The following LY75 variants were observed in gnomAD, a reference collection of about 807,000 sequenced individuals.
LY75 encodes lymphocyte antigen 75, also known as C-type lectin domain family 13 member B.
Under a neutral mutation model 231.7 loss-of-function variants are expected in LY75, and 185 were observed. The observed-to-expected ratio is 0.80, with a 90% confidence interval of 0.71 to 0.90. The LOEUF (loss-of-function observed/expected upper bound fraction) is 0.90, where lower values mean the gene tolerates loss of function less well. Ranked by LOEUF, LY75 falls within the 40% of genes least tolerant of loss-of-function variation. LY75 has a pLI of 0.00. For synonymous variants in LY75, 668 were observed against 689.0 expected (o/e 0.97, Z 0.48); for missense variants, 1,947 against 2,050.2 (o/e 0.95, Z 0.97).
intron 28 of LY75, among the ~76,000 whole-genome samples, chr2:159,828,661 C>T (rs1384356442): frequency 6.6e-6 from 1 of 152,140 alleles, no homozygotes; most frequent in East Asian, 1.9e-4. Flanking sequence ...AACATATGTC[C>T]ATGCAAAAAC....
Position 159,834,072 on chromosome 2 carries a change from A to C in LY75, c.3813T>G (p.Asp1271Glu), listed in dbSNP as rs1335952574. Residue 1271 changes from aspartate (D) to glutamate (E), a missense_variant, in exon 27 of 35, where the codon GAT becomes GAG. Transcript: ENST00000263636. ...GTTTCTGGCATTTAGTATGAACTTC[A>C]TCCTGTGTTGTTGCCATATGCCTAT... ...TKNRHMATTQDEVHTKCQKLN... is the reference protein window; with the variant it reads ...TKNRHMATTQEEVHTKCQKLN... 3.1e-6 allele frequency: 5 copies of C among 1,613,692 alleles called. No homozygotes were observed. The highest frequency in any genetic ancestry group is 4.2e-6 in the Non-Finnish European group (5 of 1,179,900).
chr2:159,816,183 T>C (rs1008181174), intron 30 of LY75, among the ~76,000 whole-genome samples: 3 of 152,186 alleles, frequency 2.0e-5, no homozygotes, highest in Non-Finnish European at 2.9e-5. Flanking sequence ...TAGATAACCA[T>C]TTTTTGTACA....
chr2:159,875,742 G>T, intron 11 of LY75, 99 bp from the exon 12 acceptor site: 1 of 1,396,744 alleles, frequency 7.2e-7, no homozygotes, highest in Non-Finnish European at 9.6e-7. Flanking sequence ...TGGGGAGAGA[G>T]AATAAAAAAA....
chr2:159,822,447 C>T (rs1362382372), intron 28 of LY75, among the ~76,000 whole-genome samples: 2 of 152,250 alleles, frequency 1.3e-5, no homozygotes, highest in South Asian at 2.1e-4. Flanking sequence ...GTGGAGCCCA[C>T]TGCAGCTCAG....
At chr2:159,824,175 C>A (rs981333465) in intron 28 of LY75, among the ~76,000 whole-genome samples, 1 of 152,148 alleles carries the variant, frequency 6.6e-6, no homozygotes, top group African/African-American at 2.4e-5. Context: ...AGAGTCAAGA[C>A]CCATCAATGT....
At chr2:159,878,182 A>T in intron 11 of LY75, 142 bp downstream of exon 11, 1 of 1,163,266 alleles carries the variant, frequency 8.6e-7, no homozygotes, top group Non-Finnish European at 1.2e-6. Flanking sequence ...CACTGCTTCT[A>T]TTTATGGTTC....
chr2:159,901,257 T>C (rs1686069129), intron 1 of LY75, among the ~76,000 whole-genome samples: 1 of 152,186 alleles, frequency 6.6e-6, no homozygotes, highest in African/African-American at 2.4e-5. Flanking sequence ...TCACACTTTC[T>C]CTCATGGCCT....
chr2:159,832,227 C>T (rs1348369789), intron 27 of LY75, among the ~76,000 whole-genome samples: 4 of 152,204 alleles, frequency 2.6e-5, no homozygotes, highest in East Asian at 1.9e-4. Context: ...TGTTAGGAAC[C>T]GGGCCTGTTA....
chr2:159,881,336 T>C, intron 7 of LY75, 96 bp from the exon 8 acceptor site: 1 of 1,379,766 alleles, frequency 7.2e-7, no homozygotes, highest in South Asian at 1.6e-5. Flanking sequence ...TATGGAGTTT[T>C]AAGAGCCTTT....
chr2:159,904,403 C>T (rs1385059767), intron 1 of LY75, among the ~76,000 whole-genome samples, 186 bp downstream of exon 1: 3 of 152,358 alleles, frequency 2.0e-5, no homozygotes, highest in Middle Eastern at 3.4e-3. Context: ...CCCCCGAGGG[C>T]ACTGGGGCGC....
intron 5 of LY75, 98 bp from the exon 6 acceptor site, chr2:159,885,391 G>A (rs1471289634): frequency 6.8e-7 from 1 of 1,469,508 alleles, no homozygotes. Flanking sequence ...ATGCTTTTAT[G>A]GGAACTCATA....
At chr2:159,819,177 G>A (rs1310496847) in intron 29 of LY75, among the ~76,000 whole-genome samples, 1 of 152,172 alleles carries the variant, frequency 6.6e-6, no homozygotes, top group East Asian at 1.9e-4. Flanking sequence ...CACAGTGGGA[G>A]TAATGACAGT....
chr2:159,870,482 T>C (rs924255605), intron 13 of LY75, among the ~76,000 whole-genome samples: 5 of 152,006 alleles, frequency 3.3e-5, no homozygotes, highest in Admixed American at 6.6e-5. Context: ...CTGGAAAATA[T>C]AGAAATTTTC....
intron 1 of LY75, chr2:159,902,221 T>G (rs565122548): frequency 3.9e-5 from 6 of 152,190 alleles, no homozygotes; most frequent in Non-Finnish European, 5.9e-5. Flanking sequence ...TTTTAATATT[T>G]ACCTCCAAGT....
chr2:159,889,420 G>C (rs990396616), intron 4 of LY75, among the ~76,000 whole-genome samples: 1 of 151,668 alleles, frequency 6.6e-6, no homozygotes, highest in Admixed American at 6.6e-5. Context: ...TTGTAGAGAC[G>C]TGGTCTCACT....
Position 159,817,049 on chromosome 2 carries a change from C to T in LY75, c.4154-17G>A, listed in dbSNP as rs1156398526. 3 of 1,560,110 alleles carry T rather than the reference C, an allele frequency of 1.9e-6. No homozygotes were observed. The African/African-American group carries it at 4.1e-5, about 21-fold the overall frequency. On this transcript the variant is annotated splice_polypyrimidine_tract_variant and intron_variant, in intron 29 of 34. Transcript: ENST00000263636. ...TGTAGTCAACTATAATAATTAAAAG[C>T]ACTGGTGATTAAAATTTAAATTATT...
chr2:159,878,331 A>G lies in LY75; in HGVS notation c.1767T>C (p.Leu589=), dbSNP rs1685332114. 1 of 1,613,748 alleles carries G rather than the reference A, an allele frequency of 6.2e-7. No individual in the cohort carries two copies. The highest frequency in any genetic ancestry group is 1.1e-5 in the South Asian group (1 of 91,022). The change falls in exon 11 of 35, where the codon CTT becomes CTC. Residue 589 remains leucine (L), a synonymous_variant. Coordinates refer to ENST00000263636, the MANE Select transcript of LY75 (RefSeq NM_002349.4). ...RAVTFSNWNF[L]EPASPGGCVA... ...AAAGATTAAGACACTCACCTGGCTC[A>G]AGAAAATTCCAGTTGGAAAAGGTTA...
chr2:159,835,366 A>G, intron 26 of LY75, 114 bp downstream of exon 26: 1 of 1,154,822 alleles, frequency 8.7e-7, no homozygotes. Flanking sequence ...AAAAGACATG[A>G]CTATAATTTC....
intron 4 of LY75, among the ~76,000 whole-genome samples, chr2:159,887,211 T>TCACATA (rs1685615722): frequency 7.7e-6 from 1 of 129,970 alleles, no homozygotes; most frequent in Non-Finnish European, 1.6e-5. Flanking sequence ...AGAGTGAGAG[T>TCACATA]CACACACACA....
Sources: allele counts gnomAD v4.1 joint callset (sites outside exome capture counted in the v4.1 genomes callset), GRCh38; gene constraint gnomAD v4.1.1; transcripts MANE v1.5; gene names NCBI Gene and HGNC (gene_info 2026-07-23, HGNC 2026-07-21).